The following TNIP3 variants were observed in gnomAD, a reference collection of about 807,000 sequenced individuals.
TNIP3 encodes TNFAIP3 interacting protein 3.
A neutral mutation model predicts 54.1 loss-of-function variants in TNIP3; 34 were observed. That is an observed-to-expected ratio of 0.63 (90% CI 0.48 to 0.84). TNIP3 has a LOEUF of 0.84. TNIP3 is among the 40% of genes least tolerant of loss of function. The pLI is 0.00. For missense variants in TNIP3, 366 were observed against 387.6 expected (o/e 0.94, Z 0.47); for synonymous variants, 134 against 136.8 (o/e 0.98, Z 0.14).
chr4:121,182,450 A>G (rs764350450), intron 3 of TNIP3, among the ~76,000 whole-genome samples: 1 of 152,174 alleles, frequency 6.6e-6, no homozygotes, highest in African/African-American at 2.4e-5. Flanking sequence ...CTGCCTGGAC[A>G]CTTTAAAGTG....
intron 5 of TNIP3, among the ~76,000 whole-genome samples, chr4:121,150,894 A>C (rs965030866): frequency 6.6e-6 from 1 of 152,198 alleles, no homozygotes; most frequent in African/African-American, 2.4e-5. Flanking sequence ...TACCGAGTGG[A>C]GAGAGTGCCC....
chr4:121,197,939 C>T (rs1055594189), intron 2 of TNIP3, among the ~76,000 whole-genome samples: 1 of 152,178 alleles, frequency 6.6e-6, no homozygotes, highest in Admixed American at 6.5e-5. Flanking sequence ...ACGAATCTTG[C>T]TTGACTGAAT....
At chr4:121,187,235 G>C (rs932349596) in intron 2 of TNIP3, among the ~76,000 whole-genome samples, 3 of 152,100 alleles carry the variant, frequency 2.0e-5, no homozygotes, top group African/African-American at 4.8e-5. Context: ...AACACCAATA[G>C]AACAGATCCT....
chr4:121,215,401 T>C (rs139201632), intron 2 of TNIP3, among the ~76,000 whole-genome samples: 307 of 152,300 alleles, frequency 2.0e-3, no homozygotes, highest in African/African-American at 6.9e-3. Flanking sequence ...TAAACAGAAA[T>C]ATTGGCCTGT....
chr4:121,154,629 AT>A lies in TNIP3; in HGVS notation c.413del (p.Asn138IlefsTer4). ...GAGTATTTTTTCCCTTTAAAAGTTT[AT>A]TCTCTTCTTTCAATTCATGTAATTC... ...NEELHELKEE[N>X]KLLKGKNTLA... On this transcript the variant is annotated frameshift_variant, in exon 5 of 11. Coordinates refer to ENST00000057513, the MANE Select transcript of TNIP3 (RefSeq NM_024873.6). LOFTEE classifies it high-confidence loss of function. The A allele has an allele frequency of 6.2e-7, 1 of 1,613,026 alleles. No individual in the cohort carries two copies. The highest frequency in any genetic ancestry group is 8.5e-7 in the Non-Finnish European group (1 of 1,179,716).
chr4:121,184,633 T>C (rs1216607485), intron 2 of TNIP3, among the ~76,000 whole-genome samples: 1 of 152,218 alleles, frequency 6.6e-6, no homozygotes, highest in Admixed American at 6.5e-5. Context: ...GTCATTATAA[T>C]GAATTCTCTC....
intron 3 of TNIP3, among the ~76,000 whole-genome samples, chr4:121,158,414 G>A (rs887968636): frequency 3.9e-5 from 6 of 152,216 alleles, no homozygotes; most frequent in African/African-American, 1.2e-4. Flanking sequence ...GATACTCTGT[G>A]AGCCACGATA....
intron 2 of TNIP3, among the ~76,000 whole-genome samples, chr4:121,209,867 G>A (rs1417465858): frequency 6.6e-6 from 1 of 152,016 alleles, no homozygotes; most frequent in African/African-American, 2.4e-5. Context: ...TACTTCTTAT[G>A]GTATATTTCT....
rs570472977 is a variant in TNIP3 at position 121,200,502 on chromosome 4, C to A, written c.68+15913G>T. Among the ~76,000 whole-genome samples, 3 of 152,198 alleles carry A rather than the reference C, an allele frequency of 2.0e-5. No individual in the cohort carries two copies. In the South Asian group the frequency reaches 6.2e-4, roughly 32 times the overall value. The stretch of plus-strand genomic sequence containing the variant: ...CTTTGACAGTTGGCAGCTGTGGGGT[C>A]CCTGGCAGTCTCTGGATTCATAGAG... On this transcript the variant is annotated intron_variant, in intron 2 of 12. Transcript: ENST00000507879.
intron 2 of TNIP3, among the ~76,000 whole-genome samples, chr4:121,209,648 C>T (rs952988053): frequency 6.6e-6 from 1 of 152,010 alleles, no homozygotes; most frequent in Admixed American, 6.6e-5. Context: ...AAAGTTATGG[C>T]AAATATCACA....
chr4:121,141,503 A>C (rs975860993), intron 9 of TNIP3, among the ~76,000 whole-genome samples: 5 of 152,242 alleles, frequency 3.3e-5, no homozygotes, highest in Admixed American at 2.6e-4. Context: ...TCCTTTATAC[A>C]TAAATACACT....
At chr4:121,155,774 A>G (rs920502971) in intron 4 of TNIP3, among the ~76,000 whole-genome samples, 12 of 152,242 alleles carry the variant, frequency 7.9e-5, no homozygotes, top group Admixed American at 7.8e-4. Flanking sequence ...GTAACTTGAC[A>G]TGCAAAAATA....
At chr4:121,176,964 A>G (rs1046333996) in intron 3 of TNIP3, among the ~76,000 whole-genome samples, 9 of 152,202 alleles carry the variant, frequency 5.9e-5, no homozygotes, top group African/African-American at 2.2e-4. Context: ...CTCTAAGTTA[A>G]AATCAGAAGC....
At chr4:121,166,547 G>A (rs1012990098), upstream of TNIP3, among the ~76,000 whole-genome samples, 1 of 152,176 alleles carries the variant, frequency 6.6e-6, no homozygotes, top group Non-Finnish European at 1.5e-5. Context: ...CTGTTGTGAA[G>A]AGTCTTCATT....
chr4:121,192,548 T>G (rs1259355769), intron 2 of TNIP3, among the ~76,000 whole-genome samples: 1 of 152,156 alleles, frequency 6.6e-6, no homozygotes, highest in Non-Finnish European at 1.5e-5. Context: ...CTGAAAAGCT[T>G]CTATCGAGCT....
intron 2 of TNIP3, among the ~76,000 whole-genome samples, chr4:121,185,750 C>T (rs1232464566): frequency 6.6e-6 from 1 of 152,214 alleles, no homozygotes; most frequent in Non-Finnish European, 1.5e-5. Flanking sequence ...GAAACACTAG[C>T]AGCAGCTTCA....
chr4:121,211,708 T>C (rs538225698), intron 2 of TNIP3, among the ~76,000 whole-genome samples: 1 of 152,338 alleles, frequency 6.6e-6, no homozygotes, highest in East Asian at 1.9e-4. Flanking sequence ...AGAAATGGAA[T>C]GTACTGCCAT....
At chr4:121,179,139 G>T (rs1486286935) in intron 3 of TNIP3, among the ~76,000 whole-genome samples, 1 of 152,162 alleles carries the variant, frequency 6.6e-6, no homozygotes, top group Non-Finnish European at 1.5e-5. Flanking sequence ...TGAAATGATA[G>T]CACAGGAAAC....
chr4:121,155,894 A>G (rs894677157), intron 4 of TNIP3, among the ~76,000 whole-genome samples: 1 of 152,234 alleles, frequency 6.6e-6, no homozygotes, highest in Admixed American at 6.5e-5. Flanking sequence ...AAGGGAAAAT[A>G]TTTCTATTTG....
Sources: allele counts gnomAD v4.1 joint callset (sites outside exome capture counted in the v4.1 genomes callset), GRCh38; gene constraint gnomAD v4.1.1; transcripts MANE v1.5; gene names NCBI Gene and HGNC (gene_info 2026-07-23, HGNC 2026-07-21).